Variants in PPIP5K2 observed in about 807,000 individuals in gnomAD.
PPIP5K2 encodes diphosphoinositol pentakisphosphate kinase 2, also known as inositol hexakisphosphate and diphosphoinositol-pentakisphosphate kinase 2.
In PPIP5K2, 105 loss-of-function variants were observed where a neutral mutation model predicts 154.6. The ratio of observed to expected loss-of-function variants is 0.68; its 90% CI spans 0.58 to 0.80. PPIP5K2 has a LOEUF of 0.80. PPIP5K2 is among the 30% of genes least tolerant of loss of function. PPIP5K2 has a pLI of 0.00. For synonymous variants in PPIP5K2, 480 were observed against 490.3 expected (o/e 0.98, Z 0.28); for missense variants, 992 against 1,504.6 (o/e 0.66, Z 5.64).
intron 13 of PPIP5K2, among the ~76,000 whole-genome samples, chr5:103,155,570 G>A (rs782684537): frequency 1.3e-5 from 2 of 150,894 alleles, no homozygotes; most frequent in Admixed American, 6.6e-5. Flanking sequence ...TGGGACCACA[G>A]GCACACACCA....
intron 5 of PPIP5K2, among the ~76,000 whole-genome samples, chr5:103,140,925 G>A (rs1350608305): frequency 1.3e-5 from 2 of 151,982 alleles, no homozygotes; most frequent in East Asian, 3.9e-4. Flanking sequence ...TGAATTACCA[G>A]TATCATGGAA....
Position 103,180,111 on chromosome 5 carries a change from A to C in PPIP5K2, c.2845A>C (p.Lys949Gln). The C allele has an allele frequency of 6.2e-7, 1 of 1,605,820 alleles. No homozygotes were observed. ...AGTTGATCGAGCTGTGATATTGTTT[A>C]AACCAATGGTATCAGAGCCAATTCA... is the stretch of plus-strand genomic sequence containing the variant. ...DEVDRAVILF[K>Q]PMVSEPIHIH... Residue 949 changes from lysine to glutamine, a missense_variant, in exon 24 of 31, where the codon AAA becomes CAA. Lys to Gln is a moderately conservative substitution (Grantham distance 53). Transcript: ENST00000358359.
At chr5:103,129,754 T>A in intron 2 of PPIP5K2, 51 bp downstream of exon 2, 1 of 1,479,258 alleles carries the variant, frequency 6.8e-7, no homozygotes, top group African/African-American at 1.4e-5. Context: ...CAGTATAGGC[T>A]TTTTACTAAT....
At chr5:103,195,984 G>A (rs1455348724) in intron 30 of PPIP5K2, among the ~76,000 whole-genome samples, 5 of 152,040 alleles carry the variant, frequency 3.3e-5, no homozygotes, top group African/African-American at 9.7e-5. Context: ...TCATAAAATC[G>A]GGTTAATAGT....
chr5:103,161,276 A>G (rs1358079259), intron 17 of PPIP5K2, among the ~76,000 whole-genome samples: 3 of 152,180 alleles, frequency 2.0e-5, no homozygotes, highest in Non-Finnish European at 2.9e-5. Flanking sequence ...ATGTCCCTAC[A>G]AAGGACATTA....
intron 7 of PPIP5K2, among the ~76,000 whole-genome samples, chr5:103,148,746 C>G (rs1794130880): frequency 6.6e-6 from 1 of 152,076 alleles, no homozygotes; most frequent in Non-Finnish European, 1.5e-5. Context: ...CTTTTCTTCT[C>G]TTACCTGCAC....
chr5:103,136,683 A>G (rs1554204356), intron 3 of PPIP5K2, 49 bp from the exon 4 acceptor site: 1 of 1,427,222 alleles, frequency 7.0e-7, no homozygotes, highest in South Asian at 1.1e-5. Context: ...TAAAGTATAG[A>G]TGCTTATCTT....
In PPIP5K2 at chr5:103,207,607, T is replaced by TG. The variant is rs1398359922; in HGVS notation, c.*5974dup. 6.6e-6 allele frequency: 1 copy of TG among 152,086 alleles called. No individual in the cohort carries two copies. The highest frequency in any genetic ancestry group is 1.5e-5 in the Non-Finnish European group (1 of 68,020). 9.4% of individuals were successfully genotyped at this position (152,086 alleles called of 1,614,324 possible). On this transcript the variant is annotated 3_prime_UTR_variant, in exon 31 of 31. Coordinates refer to ENST00000358359, the MANE Select transcript of PPIP5K2 (RefSeq NM_001276277.3). Reference sequence around the variant, plus strand: ...ATATATATATATAGATCCTATCTGTTGACTCCTTGCTGTGAACAATATCCA... The same window carrying TG: ...ATATATATATATAGATCCTATCTGTTGGACTCCTTGCTGTGAACAATATCCA...
At chr5:103,158,159 T>A in intron 14 of PPIP5K2, 29 bp from the exon 15 acceptor site, 1 of 1,602,938 alleles carries the variant, frequency 6.2e-7, no homozygotes, top group Non-Finnish European at 8.5e-7. Flanking sequence ...AAACTTAACA[T>A]TTGTTTTATT....
At chr5:103,138,580 C>T (rs896806495) in intron 5 of PPIP5K2, 111 bp downstream of exon 5, 1 of 578,740 alleles carries the variant, frequency 1.7e-6, no homozygotes, top group Non-Finnish European at 2.9e-6. Context: ...GTATTCTATT[C>T]CATTTTAAAA....
Position 103,120,309 on chromosome 5 carries a change from C to T in PPIP5K2, c.-464C>T. On this transcript the variant is annotated 5_prime_UTR_variant, in exon 1 of 31. Coordinates refer to ENST00000358359, the MANE Select transcript of PPIP5K2 (RefSeq NM_001276277.3). ...ACGGAGATTCCTGAGGTGTAGTAGC[C>T]TGAGGTTCCCTTATGTGGCCCTATA... 2.4e-6 allele frequency: 1 copy of T among 413,092 alleles called. No homozygotes were observed. The highest frequency in any genetic ancestry group is 7.2e-5 in the East Asian group (1 of 13,842). The allele number at this position is 413,092 out of a possible 1,614,324, so 25.6% of individuals were successfully genotyped here. A position where few individuals can be genotyped will look rare whatever the true frequency, so the allele number is the denominator to read the frequency against.
intron 14 of PPIP5K2, among the ~76,000 whole-genome samples, chr5:103,157,320 C>CA (rs1258125146): frequency 6.6e-6 from 1 of 152,036 alleles, no homozygotes; most frequent in Non-Finnish European, 1.5e-5. Flanking sequence ...TGATGTGTAA[C>CA]ATGCAGAGAT....
Position 103,180,016 on chromosome 5 carries a change from C to G in PPIP5K2, c.2755-5C>G. 1.3e-6 allele frequency: 2 copies of G among 1,511,142 alleles called. No homozygotes were observed. Among genetic ancestry groups the G allele is most frequent in the South Asian group, 2.7e-5 (2 of 74,102 alleles). The allele number at this position is 1,511,142 out of a possible 1,614,324, so 93.6% of individuals were successfully genotyped here. A position where few individuals can be genotyped will look rare whatever the true frequency, so the allele number is the denominator to read the frequency against. On this transcript the variant is annotated splice_polypyrimidine_tract_variant and splice_region_variant and intron_variant, in intron 23 of 30. Coordinates refer to ENST00000358359, the MANE Select transcript of PPIP5K2 (RefSeq NM_001276277.3). ...GTAAAAGTGTTTTATATTCTTTGCT[C>G]ACAGAATGAAGGCAGGAGACCTTTT...
At chr5:103,161,229 G>A (rs1441746573) in intron 17 of PPIP5K2, among the ~76,000 whole-genome samples, 18 of 151,182 alleles carry the variant, frequency 1.2e-4, no homozygotes, top group African/African-American at 1.2e-4. Context: ...TTGTCCTTTC[G>A]ATAGTTTGCT....
rs1554201712 is a variant in PPIP5K2, at chr5:103,129,332, G to C, written c.-258G>C. Reference sequence around the variant, plus strand: ...TAAGAAGATTGCTGTATCAACTCAAGAAAGCAGTAACTTCACTGTCTTTGT... The same window carrying C: ...TAAGAAGATTGCTGTATCAACTCAACAAAGCAGTAACTTCACTGTCTTTGT... On this transcript the variant is annotated 5_prime_UTR_variant, in exon 2 of 31. Coordinates refer to ENST00000358359, the MANE Select transcript of PPIP5K2 (RefSeq NM_001276277.3). The C allele has an allele frequency of 4.3e-6, 1 of 231,314 alleles. No individual in the cohort carries two copies. Among genetic ancestry groups the C allele is most frequent in the African/African-American group, 2.3e-5 (1 of 44,164 alleles). 14.3% of individuals were successfully genotyped at this position (231,314 alleles called of 1,614,324 possible).
rs782152524 is a variant in PPIP5K2, at chr5:103,177,726, C to G, written c.2589C>G (p.Leu863=). The G allele has an allele frequency of 1.9e-6, 3 of 1,612,050 alleles. No homozygotes were observed. The East Asian group carries it at 6.7e-5, about 36-fold the overall frequency. ...AMDYLNVVNE[L]NYMTQIVIML... Reference sequence around the variant, plus strand: ...ATTATTTAAACGTTGTCAATGAGCTCAACTACATGACTCAGATTGTTATCA... The same window carrying G: ...ATTATTTAAACGTTGTCAATGAGCTGAACTACATGACTCAGATTGTTATCA... Residue 863 remains leucine (L), a synonymous_variant, in exon 22 of 31, where the codon CTC becomes CTG. Coordinates refer to ENST00000358359, the MANE Select transcript of PPIP5K2 (RefSeq NM_001276277.3).
intron 5 of PPIP5K2, among the ~76,000 whole-genome samples, chr5:103,141,666 C>G (rs1792690855): frequency 6.6e-6 from 1 of 152,176 alleles, no homozygotes; most frequent in Middle Eastern, 3.2e-3. Flanking sequence ...CAAGGCCCCA[C>G]CAGAGCAGCT....
intron 19 of PPIP5K2, among the ~76,000 whole-genome samples, chr5:103,172,702 A>G (rs1189730756): frequency 6.6e-6 from 1 of 151,804 alleles, no homozygotes; most frequent in Admixed American, 6.6e-5. Flanking sequence ...AACTTTAAAA[A>G]TATTGGCCAA....
intron 29 of PPIP5K2, among the ~76,000 whole-genome samples, chr5:103,193,846 C>T (rs1198114035): frequency 2.0e-5 from 3 of 152,102 alleles, no homozygotes; most frequent in Admixed American, 6.5e-5. Context: ...AGTAGTGTCT[C>T]CTTCTCCCCT....
Sources: gnomAD v4.1 joint callset for allele counts (sites outside exome capture counted in the v4.1 genomes callset) on GRCh38, gnomAD v4.1.1 for gene constraint, MANE v1.5 for transcripts, NCBI Gene and HGNC (gene_info 2026-07-23, HGNC 2026-07-21) for gene names.